The following DHPS variants were observed in gnomAD, a reference collection of about 807,000 sequenced individuals.
DHPS encodes the protein migration-inducing gene 13.
DHPS carries 24 observed loss-of-function variants against 38.7 expected under a neutral mutation model. The ratio of observed to expected loss-of-function variants is 0.62; its 90% CI spans 0.45 to 0.87. The LOEUF (loss-of-function observed/expected upper bound fraction) is 0.87. Ranked by LOEUF, DHPS falls within the 40% of genes least tolerant of loss-of-function variation. The pLI is 0.00. For synonymous variants in DHPS, 250 were observed against 204.4 expected, an observed-to-expected ratio of 1.22 and a Z score of -1.90; for missense variants, 510 against 497.6, an observed-to-expected ratio of 1.02 and a Z score of -0.24.
Position 12,679,843 on chromosome 19 carries a change from A to C in DHPS, c.452T>G (p.Phe151Cys). The C allele has an allele frequency of 6.2e-7, 1 of 1,614,126 alleles. No homozygotes were observed. The highest frequency in any genetic ancestry group is 8.5e-7 in the Non-Finnish European group (1 of 1,180,022). Residue 151 changes from phenylalanine (F) to cysteine (C), a missense_variant, in exon 3 of 9, where the codon TTT becomes TGT. Physicochemically the swap from Phe to Cys is radical, Grantham distance 205. Transcript: ENST00000210060. ...KCLAPTYLGE[F>C]SLRGKELREN... Reference sequence around the variant, plus strand: ...CCGGAGCTCCTTCCCCCTGAGGCTAAACTCGCCCAAGTATGTGGGCGCCAG... The same window carrying C: ...CCGGAGCTCCTTCCCCCTGAGGCTACACTCGCCCAAGTATGTGGGCGCCAG...
At position 12,676,019 on chromosome 19, in the gene DHPS, T is replaced by C; in HGVS notation, c.1012A>G (p.Lys338Glu). 6.2e-7 allele frequency: 1 copy of C among 1,613,786 alleles called. No individual in the cohort carries two copies. Among genetic ancestry groups the C allele is most frequent in the Non-Finnish European group, 8.5e-7 (1 of 1,179,814 alleles). ...TGCCCCACCCAGCCAGCGCTTACCT[T>C]GACGGGCTGTGCATCCACCCGGATC... ...GKIRVDAQPV[K>E]VYADASLVFP... The change falls in exon 8 of 9, where the codon AAG becomes GAG. Residue 338 changes from lysine (K) to glutamate (E), a missense_variant and splice_region_variant. Coordinates refer to ENST00000210060, the MANE Select transcript of DHPS (RefSeq NM_001930.4).
At chr19:12,680,833 C>CTTTT (rs775520052) in intron 1 of DHPS, among the ~76,000 whole-genome samples, 2 of 119,606 alleles carry the variant, frequency 1.7e-5, no homozygotes, top group African/African-American at 4.0e-5. Flanking sequence ...CGTGCCCGGC[C>CTTTT]TTTTTTTTTT....
In DHPS at chr19:12,675,922, G is replaced by A. The variant is rs376836116; in HGVS notation, c.1026C>T (p.Asp342=). The change falls in exon 9 of 9, where the codon GAC becomes GAT. Residue 342 remains aspartate (D), a synonymous_variant. Transcript: ENST00000210060. ...VDAQPVKVYA[D]ASLVFPLLVA... ...CAAGCAGGGGGAAGACCAGGGAGGC[G>A]TCAGCATAGACCTGGGTAGGGGGGA... 31 of 1,607,588 alleles carry A rather than the reference G, an allele frequency of 1.9e-5. No homozygotes were observed. Among genetic ancestry groups the A allele is most frequent in the South Asian group, 1.2e-4 (11 of 90,250 alleles).
At chr19:12,678,764 G>A (rs1340770576) in intron 5 of DHPS, among the ~76,000 whole-genome samples, 42 of 71,414 alleles carry the variant, frequency 5.9e-4, no homozygotes, top group Non-Finnish European at 9.3e-4. Flanking sequence ...GCAAGACTCT[G>A]TCTCAAAAAA....
At chr19:12,676,596 C>G (rs2024597246) in intron 7 of DHPS, 1 of 221,796 alleles carries the variant, frequency 4.5e-6, no homozygotes, top group Non-Finnish European at 9.2e-6. Context: ...CGCCTCAGCC[C>G]ACAGGGCCCA....
chr19:12,681,702 G>A lies in DHPS; in HGVS notation c.65C>T (p.Ser22Leu), dbSNP rs754401320. 4 of 1,613,862 alleles carry A rather than the reference G, an allele frequency of 2.5e-6. No individual in the cohort carries two copies. In the African/African-American group the frequency reaches 5.3e-5, roughly 22 times the overall value. The change falls in exon 1 of 9, where the codon TCG (serine) becomes TTG (leucine). Residue 22 changes from serine (S) to leucine (L), a missense_variant. Transcript: ENST00000210060. ...GALAAVLKHS[S>L]TLPPESTQVR... Reference sequence around the variant, plus strand: ...CTGGGTGCTTTCGGGCGGCAACGTCGAGCTGTGCTTTAGCACGGCGGCCAG... The same window carrying A: ...CTGGGTGCTTTCGGGCGGCAACGTCAAGCTGTGCTTTAGCACGGCGGCCAG...
At chr19:12,679,297 CA>C (rs373817355) in intron 5 of DHPS, among the ~76,000 whole-genome samples, 159 bp downstream of exon 5, 5,807 of 136,778 alleles carry the variant, frequency 0.042, 337 homozygotes, top group African/African-American at 0.14. Context: ...GATCCTGTCT[CA>C]AAAAAAAAAA....
At position 12,675,912 on chromosome 19, in the gene DHPS, C is replaced by T. The variant is rs774067496; in HGVS notation, c.1036G>A (p.Val346Ile). 5 of 1,608,854 alleles carry T rather than the reference C, an allele frequency of 3.1e-6. No individual in the cohort carries two copies. In the Admixed American group the frequency reaches 8.5e-5, roughly 27 times the overall value. The change falls in exon 9 of 9, where the codon GTC (valine) becomes ATC (isoleucine). Residue 346 changes from valine to isoleucine, a missense_variant. Physicochemically the swap from Val to Ile is conservative, Grantham distance 29. Coordinates refer to ENST00000210060, the MANE Select transcript of DHPS (RefSeq NM_001930.4). ...GTTTCAGCCACAAGCAGGGGGAAGA[C>T]CAGGGAGGCGTCAGCATAGACCTGG... ...PVKVYADASLVFPLLVAETFA... is the reference protein window; with the variant it reads ...PVKVYADASLIFPLLVAETFA...
Position 12,679,527 on chromosome 19 carries a change from G to A in DHPS, c.608C>T (p.Pro203Leu). Residue 203 changes from proline to leucine, a missense_variant, in exon 5 of 9, where the codon CCT becomes CTT. By Grantham distance (98) the Pro-to-Leu change is moderately conservative (BLOSUM62 -3). Coordinates refer to ENST00000210060, the MANE Select transcript of DHPS (RefSeq NM_001930.4). The part of the protein sequence containing the change: ...EQNTEGVKWT[P>L]SKMIARLGKE... ...GCCCAGCCGGGCGATCATCTTAGAA[G>A]GCGTCCACTTTACACCCTAGGAGAG... 6.2e-7 allele frequency: 1 copy of A among 1,614,184 alleles called. No homozygotes were observed. The highest frequency in any genetic ancestry group is 8.5e-7 in the Non-Finnish European group (1 of 1,180,036).
intron 4 of DHPS, 24 bp downstream of exon 4, chr19:12,679,599 C>T: frequency 1.2e-6 from 2 of 1,614,130 alleles, no homozygotes; most frequent in Non-Finnish European, 1.7e-6. Flanking sequence ...CTGAACTGGC[C>T]CCTCCAGGTT....
intron 5 of DHPS, among the ~76,000 whole-genome samples, chr19:12,678,478 A>G (rs1363854609): frequency 2.6e-5 from 4 of 151,520 alleles, no homozygotes. Context: ...TAAAAAAGAA[A>G]GAGTAAGTAG....
Position 12,675,911 on chromosome 19 carries a change from A to C in DHPS, c.1037T>G (p.Val346Gly). The change falls in exon 9 of 9, where the codon GTC (valine) becomes GGC (glycine). Residue 346 changes from valine to glycine, a missense_variant. By Grantham distance (109) the Val-to-Gly change is moderately radical. Transcript: ENST00000210060. ...GGTTTCAGCCACAAGCAGGGGGAAG[A>C]CCAGGGAGGCGTCAGCATAGACCTG... ...PVKVYADASL[V>G]FPLLVAETFA... 3 of 1,609,010 alleles carry C rather than the reference A, an allele frequency of 1.9e-6. No homozygotes were observed. The highest frequency in any genetic ancestry group is 1.7e-6 in the Non-Finnish European group (2 of 1,177,460).
At chr19:12,679,041 A>C (rs905460217) in intron 5 of DHPS, among the ~76,000 whole-genome samples, 1 of 152,006 alleles carries the variant, frequency 6.6e-6, no homozygotes, top group Admixed American at 6.6e-5. Context: ...CACGCCTGTA[A>C]TCCCAGCACT....
Position 12,676,143 on chromosome 19 carries a change from C to T in DHPS, c.889-1G>A. 1 of 1,607,252 alleles carries T rather than the reference C, an allele frequency of 6.2e-7. No homozygotes were observed. ...AAACAGCGTAGTCGGCCCCGTTCCG[C>T]TGTGGGGAGGCGGGGGCACGGTGGG... On this transcript the variant is annotated splice_acceptor_variant, in intron 7 of 8. Transcript: ENST00000210060. LOFTEE classifies it high-confidence loss of function.
At chr19:12,680,596 C>T (rs1196757155) in intron 1 of DHPS, among the ~76,000 whole-genome samples, 4 of 150,830 alleles carry the variant, frequency 2.7e-5, no homozygotes, top group African/African-American at 7.3e-5. Flanking sequence ...TGCAATGGCG[C>T]GATCTCGGCT....
intron 6 of DHPS, 30 bp from the exon 7 acceptor site, chr19:12,677,241 G>A: frequency 1.2e-6 from 2 of 1,613,954 alleles, no homozygotes; most frequent in Non-Finnish European, 1.7e-6. Flanking sequence ...GTCAGGCCTT[G>A]GACTCAGCCA....
intron 5 of DHPS, among the ~76,000 whole-genome samples, chr19:12,678,479 G>C (rs987825029): frequency 4.6e-5 from 7 of 151,420 alleles, no homozygotes; most frequent in African/African-American, 1.7e-4. Flanking sequence ...AAAAAAGAAA[G>C]AGTAAGTAGG....
At position 12,681,617 on chromosome 19, in the gene DHPS, G is replaced by A; in HGVS notation, c.150C>T (p.Gly50=). Residue 50 remains glycine, a synonymous_variant, in exon 1 of 9, where the codon GGC becomes GGT. Coordinates refer to ENST00000210060, the MANE Select transcript of DHPS (RefSeq NM_001930.4). The part of the protein sequence containing the change: ...VNYRALLEAF[G]TTGFQATNFG... ...AGTTGGTTGCTTGGAAGCCGGTGGT[G>A]CCGAAGGCCTCCAGCAGTGCGCGGT... is the stretch of plus-strand genomic sequence containing the variant. The A allele has an allele frequency of 6.2e-7, 1 of 1,614,222 alleles. No homozygotes were observed. Among genetic ancestry groups the A allele is most frequent in the Non-Finnish European group, 8.5e-7 (1 of 1,180,040 alleles).
In DHPS at chr19:12,680,833, C is replaced by CTT. The variant is rs775520052; in HGVS notation, c.208-510_208-509dup. 2.2e-3 allele frequency among the ~76,000 whole-genome samples: 258 copies of CTT among 119,594 alleles called. 4 individuals carry two copies. Among genetic ancestry groups the CTT allele is most frequent in the African/African-American group, 7.3e-3 (182 of 25,048 alleles). 78.5% of individuals were successfully genotyped at this position (119,594 alleles called of 152,430 possible). On this transcript the variant is annotated intron_variant, in intron 1 of 8. Coordinates refer to ENST00000210060, the MANE Select transcript of DHPS (RefSeq NM_001930.4). ...ACAGGCATGAGCCACCGTGCCCGGC[C>CTT]TTTTTTTTTTTTTTTTTTTGAGACA...
Sources: allele counts gnomAD v4.1 joint callset (sites outside exome capture counted in the v4.1 genomes callset), GRCh38; gene constraint gnomAD v4.1.1; transcripts MANE v1.5; gene names NCBI Gene and HGNC (gene_info 2026-07-23, HGNC 2026-07-21).